CREB5: variants seen among roughly 807,000 people sequenced by gnomAD.
CREB5 encodes the protein cyclic AMP-responsive element-binding protein 5.
Under a neutral mutation model 57.1 loss-of-function variants are expected in CREB5, and 19 were observed. That is an observed-to-expected ratio of 0.33 (90% CI 0.23 to 0.49). The LOEUF (loss-of-function observed/expected upper bound fraction) is 0.49. Ranked by LOEUF, CREB5 falls within the 20% of genes least tolerant of loss-of-function variation. The pLI is 0.99. For missense variants in CREB5, 579 were observed against 671.6 expected (o/e 0.86, Z 1.52); for synonymous variants, 238 against 238.3 (o/e 1.00, Z 0.01).
At chr7:28,419,510 AT>A (rs1300450987) in intron 1 of CREB5, among the ~76,000 whole-genome samples, 1 of 152,214 alleles carries the variant, frequency 6.6e-6, no homozygotes, top group African/African-American at 2.4e-5. Context: ...GGGGGCGATT[AT>A]TTTGGATTCT....
chr7:28,723,009 A>G (rs1296472264), intron 6 of CREB5, among the ~76,000 whole-genome samples: 3 of 151,962 alleles, frequency 2.0e-5, no homozygotes, highest in Non-Finnish European at 4.4e-5. Flanking sequence ...CTCAAGCTTC[A>G]CTCTTGTTCG....
Position 28,560,853 on chromosome 7 carries a change from T to C in CREB5, c.292-9512T>C, listed in dbSNP as rs1163533935. 3.5e-3 allele frequency among the ~76,000 whole-genome samples: 233 copies of C among 65,754 alleles called. 27 individuals are homozygous for C. Among genetic ancestry groups the C allele is most frequent in the South Asian group, 0.026 (42 of 1,612 alleles). The allele number at this position is 65,754 out of a possible 152,430, so 43.1% of individuals were successfully genotyped here. Reference sequence around the variant, plus strand: ...GCGCGCGTGTGTGTGTGCGCGTGTGTGTGTGCGTGTGCCTGCGTGCGCGTG... The same window carrying C: ...GCGCGCGTGTGTGTGTGCGCGTGTGCGTGTGCGTGTGCCTGCGTGCGCGTG... On this transcript the variant is annotated intron_variant, in intron 4 of 10. Coordinates refer to ENST00000357727, the MANE Select transcript of CREB5 (RefSeq NM_182898.4).
chr7:28,388,100 T>C (rs995006982), intron 1 of CREB5, among the ~76,000 whole-genome samples: 1 of 152,136 alleles, frequency 6.6e-6, no homozygotes, highest in Non-Finnish European at 1.5e-5. Flanking sequence ...TGAGGGTGAG[T>C]TCCTAAGAGA....
chr7:28,635,303 C>T (rs1205688448), intron 5 of CREB5, among the ~76,000 whole-genome samples: 1 of 152,244 alleles, frequency 6.6e-6, no homozygotes, highest in East Asian at 1.9e-4. Context: ...CAATTTGGCA[C>T]ATTATTTCTC....
intron 1 of CREB5, among the ~76,000 whole-genome samples, chr7:28,464,242 T>C (rs938273311): frequency 2.0e-5 from 3 of 152,216 alleles, no homozygotes; most frequent in East Asian, 3.8e-4. Flanking sequence ...AATCCCAACA[T>C]TTATTTTGTT....
chr7:28,819,251 A>G lies in CREB5; in HGVS notation c.1499A>G (p.His500Arg), dbSNP rs1383662047. The G allele has an allele frequency of 2.2e-5, 35 of 1,613,620 alleles. No homozygotes were observed. The Admixed American group carries it at 5.8e-4, about 27-fold the overall frequency. ...GSSTLSQLTT[H>R]RTDLNPIL ...TCCACCCTCAGCCAGCTCACCACTC[A>G]CAGAACAGACCTGAATCCGATTCTT... Residue 500 changes from histidine to arginine, a missense_variant, in exon 11 of 11, where the codon CAC becomes CGC. Physicochemically the swap from His to Arg is conservative, Grantham distance 29. Around this residue, in one of 3 missense-constraint regions of CREB5, gnomAD observed 114 missense variants for 130.8 expected, o/e 0.87. Coordinates refer to ENST00000357727, the MANE Select transcript of CREB5 (RefSeq NM_182898.4).
intron 5 of CREB5, among the ~76,000 whole-genome samples, chr7:28,623,653 T>C (rs934145408): frequency 2.0e-5 from 3 of 152,186 alleles, no homozygotes; most frequent in East Asian, 1.9e-4. Context: ...AGTGAAAACA[T>C]ATCTCAGTGA....
chr7:28,731,261 T>C lies in CREB5; in HGVS notation c.702+6929T>C, dbSNP rs556802874. On this transcript the variant is annotated intron_variant, in intron 7 of 10. Transcript: ENST00000357727. ...TTTAATTTAGGAATATATCATGTCA[T>C]CTTAAAAATAAAATGTAAATGATTA... is the stretch of plus-strand genomic sequence containing the variant. 3.3e-5 allele frequency among the ~76,000 whole-genome samples: 5 copies of C among 152,302 alleles called. No homozygotes were observed. The East Asian group carries it at 9.6e-4, about 29-fold the overall frequency.
At chr7:28,742,587 A>G (rs1451378819) in intron 7 of CREB5, among the ~76,000 whole-genome samples, 1 of 151,848 alleles carries the variant, frequency 6.6e-6, no homozygotes, top group Non-Finnish European at 1.5e-5. Context: ...AAAGAAAAGG[A>G]AAGAAAAGAA....
chr7:28,580,531 G>A (rs868040162), intron 5 of CREB5, among the ~76,000 whole-genome samples: 10 of 143,358 alleles, frequency 7.0e-5, no homozygotes, highest in African/African-American at 2.6e-4. Flanking sequence ...AGAGGAGTGA[G>A]TTTGTCGAAA....
chr7:28,515,729 C>T (rs538158244), intron 4 of CREB5, among the ~76,000 whole-genome samples: 15 of 152,164 alleles, frequency 9.9e-5, no homozygotes, highest in Middle Eastern at 3.4e-3. Context: ...TTTCTATTAC[C>T]TCAAGCCTAG....
chr7:28,329,756 G>A (rs1289349078), intron 1 of CREB5, among the ~76,000 whole-genome samples: 3 of 152,182 alleles, frequency 2.0e-5, no homozygotes, highest in Non-Finnish European at 4.4e-5. Context: ...GATGATTTAT[G>A]CCCTTGGCAC....
chr7:28,458,657 G>T (rs1316795746), intron 1 of CREB5, among the ~76,000 whole-genome samples: 1 of 152,180 alleles, frequency 6.6e-6, no homozygotes, highest in Non-Finnish European at 1.5e-5. Context: ...GACAGACCTG[G>T]GTTTGAATCC....
At chr7:28,669,315 T>A (rs1323551180) in intron 5 of CREB5, among the ~76,000 whole-genome samples, 1 of 152,196 alleles carries the variant, frequency 6.6e-6, no homozygotes, top group African/African-American at 2.4e-5. Context: ...AACGTTTACT[T>A]TGATTTGTTA....
intron 3 of CREB5, among the ~76,000 whole-genome samples, chr7:28,499,390 G>T (rs751341707): frequency 4.6e-5 from 7 of 152,144 alleles, no homozygotes; most frequent in Non-Finnish European, 1.0e-4. Context: ...AGGTAGGGCT[G>T]TGTGTGCACA....
At chr7:28,401,682 G>A (rs367576978) in intron 1 of CREB5, among the ~76,000 whole-genome samples, 5 of 152,250 alleles carry the variant, frequency 3.3e-5, no homozygotes, top group South Asian at 4.1e-4. Flanking sequence ...CTGTCCTTGC[G>A]ATAGTTTGCT....
At chr7:28,357,463 T>G (rs1403752702) in intron 1 of CREB5, among the ~76,000 whole-genome samples, 1 of 152,222 alleles carries the variant, frequency 6.6e-6, no homozygotes, top group South Asian at 2.1e-4. Context: ...GTATGATTTA[T>G]TTAGGATTTT....
chr7:28,590,562 A>G (rs1442482965), intron 5 of CREB5, among the ~76,000 whole-genome samples: 1 of 150,112 alleles, frequency 6.7e-6, no homozygotes, highest in Non-Finnish European at 1.5e-5. Flanking sequence ...TAGCATTAGG[A>G]GATATACCTA....
At chr7:28,745,370 G>T (rs772408256) in intron 7 of CREB5, among the ~76,000 whole-genome samples, 6 of 152,184 alleles carry the variant, frequency 3.9e-5, no homozygotes, top group Non-Finnish European at 5.9e-5. Flanking sequence ...CTCTACATTT[G>T]TAACCCAATG....
Sources: allele counts gnomAD v4.1 joint callset (sites outside exome capture counted in the v4.1 genomes callset), GRCh38; gene constraint gnomAD v4.1.1; regional missense constraint gnomAD v4.1.1; transcripts MANE v1.5; gene names NCBI Gene and HGNC (gene_info 2026-07-23, HGNC 2026-07-21).